Variants in GLMN observed in about 807,000 individuals in gnomAD.
GLMN encodes the protein glomulin, FKBP associated protein, also known as glomulin.
A neutral mutation model predicts 87.8 loss-of-function variants in GLMN; 75 were observed. That is an observed-to-expected ratio of 0.85 (90% CI 0.71 to 1.04). The LOEUF is 1.04. Ranked by LOEUF, GLMN falls within the 50% of genes least tolerant of loss-of-function variation. The probability of loss-of-function intolerance (pLI) is 0.00; values close to 1 mark genes in which losing one functional copy is unlikely to be tolerated. For synonymous variants in GLMN, 206 were observed against 221.6 expected, an observed-to-expected ratio of 0.93 and a Z score of 0.63; for missense variants, 588 against 658.8, an observed-to-expected ratio of 0.89 and a Z score of 1.18.
intron 16 of GLMN, among the ~76,000 whole-genome samples, chr1:92,260,762 A>G (rs1654935436): frequency 1.4e-5 from 1 of 71,910 alleles, no homozygotes; most frequent in Admixed American, 1.8e-4. Flanking sequence ...TCTCTTTGAG[A>G]TGGAAAAAAA....
In GLMN at chr1:92,295,229, TTCTC is replaced by T. The variant is rs1649896143; in HGVS notation, c.165+2171_165+2174del. 2.0e-5 allele frequency among the ~76,000 whole-genome samples: 3 copies of T among 151,104 alleles called. 1 individual carries two copies. The South Asian group carries it at 6.2e-4, about 31-fold the overall frequency. On this transcript the variant is annotated intron_variant, in intron 3 of 18. Transcript: ENST00000370360. ...GATCCTCATCTCCTTGGCAGGCCTC[TTCTC>T]TCTACCTGTTTCTTAAATTCTTCAA... is the stretch of plus-strand genomic sequence containing the variant.
intron 16 of GLMN, among the ~76,000 whole-genome samples, chr1:92,254,349 G>A (rs1653944910): frequency 1.3e-5 from 2 of 152,092 alleles, no homozygotes; most frequent in Admixed American, 6.5e-5. Context: ...CACACTTCAG[G>A]GTATTATCCA....
At chr1:92,327,139 T>C in the GLMN span, among the ~76,000 whole-genome samples, 3 of 152,238 alleles carry the variant, frequency 2.0e-5, no homozygotes, top group African/African-American at 7.2e-5. Flanking sequence ...ATCAAAATTA[T>C]ATCAAATATT....
In GLMN at chr1:92,296,091, G is replaced by A. The variant is rs373171299; in HGVS notation, c.165+1313C>T. Among the ~76,000 whole-genome samples, 68 of 152,216 alleles carry A rather than the reference G, an allele frequency of 4.5e-4. 1 individual carries two copies. In the South Asian group the frequency reaches 0.013, roughly 29 times the overall value. On this transcript the variant is annotated intron_variant, in intron 3 of 18. Transcript: ENST00000370360. ...ATAAGCCATTTGAACTACTGACTAA[G>A]AGATGTTATAATAATATATGATTAA...
At chr1:92,345,715 G>A in the GLMN span, 1 of 595,312 alleles carries the variant, frequency 1.7e-6, no homozygotes, top group South Asian at 2.2e-5. Context: ...ACTCTTTCCT[G>A]TCAAATATAA....
In GLMN at chr1:92,294,860, G is replaced by T. The variant is rs1005074816; in HGVS notation, c.165+2544C>A. On this transcript the variant is annotated intron_variant, in intron 3 of 18. Coordinates refer to ENST00000370360, the MANE Select transcript of GLMN (RefSeq NM_053274.3). ...CGCCCAGCTAATTTTTGCATTTTTA[G>T]TGGAGACAGGGTTTCACCATGTTGG... 7.9e-5 allele frequency among the ~76,000 whole-genome samples: 12 copies of T among 152,228 alleles called. No homozygotes were observed. In the East Asian group the frequency reaches 2.3e-3, roughly 29 times the overall value.
the GLMN span, among the ~76,000 whole-genome samples, chr1:92,339,468 A>C: frequency 1.3e-5 from 2 of 152,040 alleles, no homozygotes; most frequent in African/African-American, 4.8e-5. Context: ...TGATGCAAAA[A>C]ATAATAATAA....
At position 92,267,991 on chromosome 1, in the gene GLMN, C is replaced by A; in HGVS notation, c.1020G>T (p.Glu340Asp). 6.4e-7 allele frequency: 1 copy of A among 1,556,130 alleles called. No homozygotes were observed. The highest frequency in any genetic ancestry group is 1.1e-5 in the South Asian group (1 of 89,970). Residue 340 changes from glutamate (E) to aspartate (D), a missense_variant, in exon 11 of 19, where the codon GAG (glutamate) becomes GAT (aspartate). Physicochemically the swap from Glu to Asp is conservative, Grantham distance 45 (BLOSUM62 2). Coordinates refer to ENST00000370360, the MANE Select transcript of GLMN (RefSeq NM_053274.3). The part of the protein sequence containing the change: ...SVISKGLELL[E>D]NSLLRIEDNS... ...TGTCTTCTATTCTCAATAAACTATT[C>A]TCCAGCAGCTCCTACAGATTAAAAT...
upstream of GLMN, chr1:92,300,254 T>G (rs377748337): frequency 1.5e-5 from 24 of 1,595,180 alleles, no homozygotes; most frequent in African/African-American, 2.7e-4. Context: ...GACAGCTACA[T>G]GGACAACTAC....
the GLMN span, among the ~76,000 whole-genome samples, chr1:92,309,749 A>G: frequency 6.6e-6 from 1 of 152,236 alleles, no homozygotes; most frequent in Admixed American, 6.5e-5. Context: ...AGGACATTGC[A>G]TAATGAGAAA....
At chr1:92,306,468 C>T in the GLMN span, among the ~76,000 whole-genome samples, 2 of 152,134 alleles carry the variant, frequency 1.3e-5, no homozygotes, top group African/African-American at 2.4e-5. Context: ...ACTCAATTGT[C>T]TATAAATGGT....
chr1:92,283,557 CACAAG>C (rs1460847291), intron 7 of GLMN, among the ~76,000 whole-genome samples: 1 of 152,108 alleles, frequency 6.6e-6, no homozygotes, highest in African/African-American at 2.4e-5. Context: ...TGAAAAATGG[CACAAG>C]ACAAGGAAGC....
At chr1:92,330,383 T>G in the GLMN span, among the ~76,000 whole-genome samples, 2 of 152,074 alleles carry the variant, frequency 1.3e-5, no homozygotes, top group Non-Finnish European at 2.9e-5. Flanking sequence ...TCTTTAAATG[T>G]TTAGAAGATC....
chr1:92,261,242 CTT>C (rs1655008289), intron 16 of GLMN, among the ~76,000 whole-genome samples: 1 of 152,236 alleles, frequency 6.6e-6, no homozygotes, highest in African/African-American at 2.4e-5. Flanking sequence ...ATTTCTACCA[CTT>C]TCCAGATGTT....
chr1:92,290,142 C>T, intron 5 of GLMN, 56 bp downstream of exon 5: 1 of 963,490 alleles, frequency 1.0e-6, no homozygotes. Context: ...TTGAGGTAAC[C>T]ATCAAGGCAT....
intron 16 of GLMN, among the ~76,000 whole-genome samples, chr1:92,261,822 C>CGGAGTGATAGACACAGGGT: frequency 6.6e-6 from 1 of 150,456 alleles, no homozygotes; most frequent in East Asian, 2.0e-4. Flanking sequence ...AATAGACTGA[C>CGGAGTGATAGACACAGGGT]GGAGTGATAG....
intron 2 of GLMN, 159 bp from the exon 3 acceptor site, chr1:92,297,688 C>T (rs1285032898): frequency 2.9e-6 from 2 of 683,428 alleles, no homozygotes; most frequent in Non-Finnish European, 5.0e-6. Context: ...ATTAGGATTA[C>T]CCTAATAAAT....
the GLMN span, among the ~76,000 whole-genome samples, chr1:92,367,767 T>C: frequency 5.3e-5 from 8 of 152,336 alleles, no homozygotes; most frequent in East Asian, 7.7e-4. Flanking sequence ...TTTATTCACA[T>C]AGACATTCTC....
At chr1:92,339,573 C>T in the GLMN span, among the ~76,000 whole-genome samples, 3 of 152,116 alleles carry the variant, frequency 2.0e-5, no homozygotes, top group Non-Finnish European at 2.9e-5. Flanking sequence ...AGAACTTTTA[C>T]TGAATGGAGA....
Sources: allele counts gnomAD v4.1 joint callset (sites outside exome capture counted in the v4.1 genomes callset), GRCh38; gene constraint gnomAD v4.1.1; transcripts MANE v1.5; gene names NCBI Gene and HGNC (gene_info 2026-07-23, HGNC 2026-07-21).